The following PCDHA2 variants were observed in gnomAD, a reference collection of about 807,000 sequenced individuals.
PCDHA2 encodes protocadherin alpha 2.
In PCDHA2, 58 loss-of-function variants were observed where a neutral mutation model predicts 66.0. The ratio of observed to expected loss-of-function variants is 0.88; its 90% confidence interval spans 0.71 to 1.09. The LOEUF (loss-of-function observed/expected upper bound fraction) is 1.09. PCDHA2 is among the 50% of genes least tolerant of loss of function. The pLI is 0.00. For synonymous variants in PCDHA2, 634 were observed against 554.0 expected, an observed-to-expected ratio of 1.14 and a Z score of -2.03; for missense variants, 1,267 against 1,242.3, an observed-to-expected ratio of 1.02 and a Z score of -0.30.
At chr5:141,004,378 G>A (rs914260481) in intron 3 of PCDHA2, among the ~76,000 whole-genome samples, 3 of 152,198 alleles carry the variant, frequency 2.0e-5, no homozygotes, top group Admixed American at 6.5e-5. Context: ...TCTGCTCTGC[G>A]GAAGCTGGAC....
intron 1 of PCDHA2, chr5:140,804,887 C>G: frequency 1.4e-5 from 9 of 638,746 alleles, no homozygotes; most frequent in South Asian, 3.0e-5. Flanking sequence ...GACTCCTCTC[C>G]TTCCCCTCAC....
intron 1 of PCDHA2, chr5:140,843,223 T>G (rs1296347203): frequency 6.3e-7 from 1 of 1,595,904 alleles, no homozygotes; most frequent in Non-Finnish European, 8.6e-7. Flanking sequence ...TCAGCACCAC[T>G]CGTGTCCTGG....
chr5:140,870,133 G>A, intron 1 of PCDHA2: 1 of 1,613,974 alleles, frequency 6.2e-7, no homozygotes, highest in African/African-American at 1.3e-5. Context: ...GGACACCAAC[G>A]ATAACTCTCC....
chr5:140,829,181 C>A, intron 1 of PCDHA2: 1 of 1,614,148 alleles, frequency 6.2e-7, no homozygotes. Flanking sequence ...TGAAGACGCT[C>A]AATTTGGTAC....
At position 140,880,762 on chromosome 5, in the gene PCDHA2, G is replaced by A. The variant is rs2153374847; in HGVS notation, c.2388+83410G>A. 3.9e-5 allele frequency among the ~76,000 whole-genome samples: 6 copies of A among 152,350 alleles called. No homozygotes were observed. The Middle Eastern group carries it at 0.014, about 345-fold the overall frequency. On this transcript the variant is annotated intron_variant, in intron 1 of 3. Coordinates refer to ENST00000526136, the MANE Select transcript of PCDHA2 (RefSeq NM_018905.3). ...GGATTGTCAGTGTAACTGCGTGTTGGAGGCTAAAAAGAATGTTAGAGGAGT... is the reference window on the plus strand; with the variant it reads ...GGATTGTCAGTGTAACTGCGTGTTGAAGGCTAAAAAGAATGTTAGAGGAGT...
At chr5:140,966,868 G>A (rs781853403) in intron 1 of PCDHA2, 47 of 1,580,198 alleles carry the variant, frequency 3.0e-5, no homozygotes, top group Non-Finnish European at 3.7e-5. Flanking sequence ...TGTTGCTGCT[G>A]CTGCTACCTG....
rs1232327422 is a variant in PCDHA2, at chr5:140,841,830, A to G, written c.2388+44478A>G. On this transcript the variant is annotated intron_variant, in intron 1 of 3. Transcript: ENST00000526136. ...GTTGGAGCTAACTCCGTGTTAACCT[A>G]CAGGCTTAGCTCTCATGATTACTTC... 5.6e-6 allele frequency: 9 copies of G among 1,613,794 alleles called. No individual in the cohort carries two copies. In the South Asian group the frequency reaches 7.7e-5, roughly 14 times the overall value.
Position 140,869,241 on chromosome 5 carries a change from C to T in PCDHA2, c.2388+71889C>T, listed in dbSNP as rs782686549. 1.9e-6 allele frequency: 3 copies of T among 1,613,628 alleles called. No homozygotes were observed. In the South Asian group the frequency reaches 3.3e-5, roughly 18 times the overall value. ...AGGCCAAACACGGCACCTTCGTGGGCCGCATCGCGCAGGACCTGGGGCTGG... is the reference window on the plus strand; with the variant it reads ...AGGCCAAACACGGCACCTTCGTGGGTCGCATCGCGCAGGACCTGGGGCTGG... On this transcript the variant is annotated intron_variant, in intron 1 of 3. Transcript: ENST00000526136.
intron 1 of PCDHA2, among the ~76,000 whole-genome samples, chr5:140,879,279 A>G (rs2057928398): frequency 2.0e-5 from 3 of 152,250 alleles, no homozygotes; most frequent in East Asian, 3.8e-4. Flanking sequence ...CAGACTCAAT[A>G]CAAATGATAA....
chr5:140,841,454 G>A, intron 1 of PCDHA2: 1 of 1,612,938 alleles, frequency 6.2e-7, no homozygotes, highest in Non-Finnish European at 8.5e-7. Context: ...CGGCACCTTC[G>A]TGGGCCGGAT....
intron 1 of PCDHA2, among the ~76,000 whole-genome samples, chr5:140,899,260 T>A (rs2153463432): frequency 6.6e-6 from 1 of 152,272 alleles, no homozygotes; most frequent in South Asian, 2.1e-4. Context: ...GGCATCCCTG[T>A]CTTGTGGCAG....
intron 1 of PCDHA2, chr5:140,869,097 G>A (rs1344358126): frequency 2.5e-6 from 4 of 1,595,318 alleles, no homozygotes; most frequent in Non-Finnish European, 2.6e-6. Flanking sequence ...AGCCAATTTC[G>A]TATGCGATGT....
chr5:140,829,467 A>C, intron 1 of PCDHA2: 1 of 1,613,844 alleles, frequency 6.2e-7, no homozygotes, highest in Non-Finnish European at 8.5e-7. Context: ...GCGCAGCCCG[A>C]GTACACAGTG....
intron 1 of PCDHA2, among the ~76,000 whole-genome samples, chr5:140,921,467 A>G (rs1287124986): frequency 1.3e-5 from 2 of 152,204 alleles, no homozygotes; most frequent in East Asian, 1.9e-4. Flanking sequence ...TGCAACCACT[A>G]CCAAACCACT....
chr5:140,848,333 CAG>C, intron 1 of PCDHA2: 1 of 843,614 alleles, frequency 1.2e-6, no homozygotes, highest in African/African-American at 1.7e-5. Flanking sequence ...TCTCTGAATC[CAG>C]ACAAATACAG....
Position 140,795,356 on chromosome 5 carries a change from C to T in PCDHA2, c.392C>T (p.Pro131Leu), listed in dbSNP as rs781909912. Residue 131 changes from proline to leucine, a missense_variant, in exon 1 of 4, where the codon CCA becomes CTA. Pro to Leu is a moderately conservative substitution (Grantham distance 98, BLOSUM62 -3). Transcript: ENST00000526136. ...GTGAAGGACATTAACGACAACCCGC[C>T]AATATTTCCAATGACAGTAAAGACT... Reference protein sequence around the residue: ...VEVKDINDNPPIFPMTVKTIR... With the variant: ...VEVKDINDNPLIFPMTVKTIR... 1.9e-6 allele frequency: 3 copies of T among 1,614,162 alleles called. No individual in the cohort carries two copies. Among genetic ancestry groups the T allele is most frequent in the Non-Finnish European group, 2.5e-6 (3 of 1,180,032 alleles).
At chr5:140,822,513 T>A (rs563348993) in intron 1 of PCDHA2, 1 of 1,613,844 alleles carries the variant, frequency 6.2e-7, no homozygotes, top group Non-Finnish European at 8.5e-7. Context: ...AATCCATTTA[T>A]AATGTCAGAT....
intron 1 of PCDHA2, chr5:140,802,111 AG>A: frequency 1.2e-6 from 2 of 1,614,222 alleles, no homozygotes; most frequent in South Asian, 2.2e-5. Context: ...ATCAGTGTAA[AG>A]GGTAACATAG....
At chr5:140,884,794 A>G in intron 1 of PCDHA2, 1 of 1,280,100 alleles carries the variant, frequency 7.8e-7, no homozygotes, top group East Asian at 2.6e-5. Flanking sequence ...TTGTTATCGA[A>G]TTTAACAACT....
Sources: gnomAD v4.1 joint callset for allele counts (sites outside exome capture counted in the v4.1 genomes callset) on GRCh38, gnomAD v4.1.1 for gene constraint, MANE v1.5 for transcripts, NCBI Gene and HGNC (gene_info 2026-07-23, HGNC 2026-07-21) for gene names.